VIPR2: variants seen among roughly 807,000 people sequenced by gnomAD.
VIPR2 encodes the protein vasoactive intestinal peptide receptor 2.
Under a neutral mutation model 58.0 loss-of-function variants are expected in VIPR2, and 48 were observed. That is an observed-to-expected ratio of 0.83 (90% CI 0.66 to 1.05). VIPR2 has a LOEUF of 1.05. VIPR2 is among the 50% of genes least tolerant of loss of function. The pLI, the probability that VIPR2 is intolerant of heterozygous loss-of-function variation, is 0.00. For synonymous variants in VIPR2, 243 were observed against 235.2 expected (o/e 1.03, Z -0.30); for missense variants, 534 against 558.0 (o/e 0.96, Z 0.43).
intron 4 of VIPR2, among the ~76,000 whole-genome samples, chr7:159,078,944 G>A (rs759063187): frequency 7.9e-5 from 12 of 152,212 alleles, no homozygotes; most frequent in South Asian, 4.1e-4. Context: ...TGTTGTATCC[G>A]CTCCAGTGCC....
intron 4 of VIPR2, among the ~76,000 whole-genome samples, chr7:159,094,473 C>T (rs897181113): frequency 1.1e-4 from 17 of 152,212 alleles, no homozygotes; most frequent in African/African-American, 3.9e-4. Flanking sequence ...CTGGGAGGCC[C>T]AGGTCGTGGC....
In VIPR2 at chr7:159,035,391, C is replaced by T. The variant is rs139579359; in HGVS notation, c.809+561G>A. On this transcript the variant is annotated intron_variant, in intron 8 of 12. Coordinates refer to ENST00000262178, the MANE Select transcript of VIPR2 (RefSeq NM_003382.5). ...TAACTAGACGGTGGGTGTTTTAAACCACCAAATTTTGGAGTGATTTGTTAC... is the reference window on the plus strand; with the variant it reads ...TAACTAGACGGTGGGTGTTTTAAACTACCAAATTTTGGAGTGATTTGTTAC... Among the ~76,000 whole-genome samples, 214 of 152,274 alleles carry T rather than the reference C, an allele frequency of 1.4e-3. 1 individual carries two copies. The highest frequency in any genetic ancestry group is 5.1e-3 in the African/African-American group (210 of 41,568).
At chr7:159,116,715 AC>A (rs1796250422) in intron 2 of VIPR2, among the ~76,000 whole-genome samples, 3 of 148,350 alleles carry the variant, frequency 2.0e-5, no homozygotes, top group Non-Finnish European at 4.5e-5. Context: ...ACAAGTTCTT[AC>A]CGGTATGCTG....
At chr7:159,072,471 A>G (rs1236723133) in intron 4 of VIPR2, among the ~76,000 whole-genome samples, 2 of 152,112 alleles carry the variant, frequency 1.3e-5, no homozygotes, top group East Asian at 3.8e-4. Context: ...TAGAGCCTTA[A>G]ATACCTTTCT....
chr7:159,088,477 C>A (rs553131978), intron 4 of VIPR2, among the ~76,000 whole-genome samples: 2 of 151,636 alleles, frequency 1.3e-5, no homozygotes, highest in Non-Finnish European at 2.9e-5. Context: ...GCACACCCAC[C>A]GCAGCACACC....
At chr7:159,109,687 C>T in intron 3 of VIPR2, 125 bp downstream of exon 3, 2 of 874,610 alleles carry the variant, frequency 2.3e-6, no homozygotes. Context: ...ACAGCTGTTC[C>T]CTGACCCCCA....
intron 4 of VIPR2, among the ~76,000 whole-genome samples, chr7:159,062,445 G>A (rs1204263483): frequency 6.6e-6 from 1 of 152,194 alleles, no homozygotes; most frequent in Non-Finnish European, 1.5e-5. Flanking sequence ...TCCTTCTGCT[G>A]GATTCGCGGT....
Position 159,128,793 on chromosome 7 carries a change from T to C in VIPR2, c.151+13653A>G, listed in dbSNP as rs1796752714. On this transcript the variant is annotated intron_variant, in intron 2 of 12. Transcript: ENST00000262178. The surrounding 1 kb of genome is among the most constrained non-coding windows in gnomAD (Gnocchi z 4.1). ...ATGCGAACCCCACTTCTCAGGAGCC[T>C]TCAGTGGTCTCAGCTCTGCAGGTTG... Among the ~76,000 whole-genome samples the C allele has an allele frequency of 6.6e-6, 1 of 152,204 alleles. No individual in the cohort carries two copies. The highest frequency in any genetic ancestry group is 1.5e-5 in the Non-Finnish European group (1 of 68,038).
intron 4 of VIPR2, among the ~76,000 whole-genome samples, chr7:159,078,770 C>T (rs906443574): frequency 6.6e-6 from 1 of 152,144 alleles, no homozygotes; most frequent in East Asian, 1.9e-4. Context: ...AAAATGTAAA[C>T]CCAATTACAC....
At chr7:159,051,615 T>G (rs1855012035) in intron 5 of VIPR2, among the ~76,000 whole-genome samples, 2 of 152,206 alleles carry the variant, frequency 1.3e-5, no homozygotes, top group African/African-American at 2.4e-5. Flanking sequence ...AAAAAGCAAA[T>G]TCCAATTAAA....
chr7:159,044,828 C>T, intron 5 of VIPR2, among the ~76,000 whole-genome samples: 1 of 151,848 alleles, frequency 6.6e-6, no homozygotes, highest in African/African-American at 2.4e-5. Flanking sequence ...TGCAATGGCG[C>T]AATCTTGGCT....
At chr7:159,085,443 G>A (rs1342810473) in intron 4 of VIPR2, among the ~76,000 whole-genome samples, 1 of 152,118 alleles carries the variant, frequency 6.6e-6, no homozygotes, top group Non-Finnish European at 1.5e-5. Flanking sequence ...CTACAGGCAC[G>A]TGCCACCACG....
chr7:159,043,241 G>C, intron 5 of VIPR2, 65 bp from the exon 6 acceptor site: 2 of 1,402,636 alleles, frequency 1.4e-6, no homozygotes, highest in South Asian at 2.7e-5. Flanking sequence ...GAGAGAACCA[G>C]ACAGAGATGA....
intron 3 of VIPR2, among the ~76,000 whole-genome samples, chr7:159,104,269 C>G (rs758709368): frequency 6.6e-6 from 1 of 152,058 alleles, no homozygotes; most frequent in Admixed American, 6.5e-5. Context: ...CGGCCAGGCC[C>G]TCACCACCGA....
chr7:159,110,005 C>T (rs756937459), intron 2 of VIPR2, 86 bp from the exon 3 acceptor site: 217 of 1,272,858 alleles, frequency 1.7e-4, no homozygotes, highest in Non-Finnish European at 2.3e-4. Context: ...AACTGCCTCG[C>T]AAACTCCTTT....
At chr7:159,101,616 G>A (rs867537143) in intron 4 of VIPR2, among the ~76,000 whole-genome samples, 11 of 129,332 alleles carry the variant, frequency 8.5e-5, no homozygotes, top group Middle Eastern at 5.5e-3. Flanking sequence ...CGTTCCTGTG[G>A]TAGTGAACGG....
intron 4 of VIPR2, among the ~76,000 whole-genome samples, chr7:159,066,131 G>A (rs140358953): frequency 3.6e-5 from 5 of 138,652 alleles, no homozygotes; most frequent in African/African-American, 1.4e-4. Flanking sequence ...CTGATCCCAC[G>A]TTGTCCATGG....
At chr7:159,056,065 A>G (rs1855311589) in intron 5 of VIPR2, among the ~76,000 whole-genome samples, 1 of 152,222 alleles carries the variant, frequency 6.6e-6, no homozygotes, top group Non-Finnish European at 1.5e-5. Context: ...GCAACCCTGC[A>G]ATGTCCAGCG....
Position 159,111,544 on chromosome 7 carries a change from G to A in VIPR2, c.152-1625C>T, listed in dbSNP as rs1344094666. Among the ~76,000 whole-genome samples the A allele has an allele frequency of 2.0e-5, 3 of 152,128 alleles. No individual in the cohort carries two copies. In the East Asian group the frequency reaches 5.8e-4, roughly 29 times the overall value. Reference sequence around the variant, plus strand: ...AAAATACAAAAATTAGCCGGGTGTGGTGGTACACACCTGTAATCCCAGCTA... The same window carrying A: ...AAAATACAAAAATTAGCCGGGTGTGATGGTACACACCTGTAATCCCAGCTA... On this transcript the variant is annotated intron_variant, in intron 2 of 12. Transcript: ENST00000262178.
Sources: gnomAD v4.1 joint callset for allele counts (sites outside exome capture counted in the v4.1 genomes callset) on GRCh38, gnomAD v4.1.1 for gene constraint, Gnocchi (gnomAD v3.1) non-coding constraint, MANE v1.5 for transcripts, NCBI Gene and HGNC (gene_info 2026-07-23, HGNC 2026-07-21) for gene names.